Variants in GRM7 observed in about 807,000 individuals in gnomAD.
The protein encoded by GRM7 is glutamate metabotropic receptor 7.
In GRM7, 35 loss-of-function variants were observed where a neutral mutation model predicts 84.5. The observed-to-expected ratio is 0.41, with a 90% CI of 0.32 to 0.55. The LOEUF is 0.55. Ranked by LOEUF, GRM7 falls within the 20% of genes least tolerant of loss-of-function variation. The probability of loss-of-function intolerance (pLI) is 0.19; values close to 1 mark genes in which losing one functional copy is unlikely to be tolerated. For missense variants in GRM7, 1,003 were observed against 1,194.6 expected (o/e 0.84, Z 2.36); for synonymous variants, 487 against 455.1 (o/e 1.07, Z -0.89).
chr3:6,942,186 G>C (rs1007978378), intron 1 of GRM7, among the ~76,000 whole-genome samples: 1 of 151,156 alleles, frequency 6.6e-6, no homozygotes, highest in Non-Finnish European at 1.5e-5. Context: ...TTCTCTGTAA[G>C]TATGGATTTT....
intron 8 of GRM7, among the ~76,000 whole-genome samples, chr3:7,666,392 C>T (rs1356239608): frequency 6.6e-6 from 1 of 152,160 alleles, no homozygotes; most frequent in African/African-American, 2.4e-5. Context: ...CATAGCCAGG[C>T]CAGATACTAT....
intron 2 of GRM7, among the ~76,000 whole-genome samples, chr3:7,160,912 G>T (rs1304525522): frequency 6.6e-6 from 1 of 152,122 alleles, no homozygotes; most frequent in East Asian, 1.9e-4. Flanking sequence ...GGACTTCGCT[G>T]CCAGTCCTTA....
intron 1 of GRM7, among the ~76,000 whole-genome samples, chr3:6,889,506 T>G (rs1344268487): frequency 2.6e-5 from 4 of 152,048 alleles, no homozygotes; most frequent in Non-Finnish European, 5.9e-5. Context: ...GTTTTTGTCT[T>G]TGGTTCTGTT....
intron 1 of GRM7, among the ~76,000 whole-genome samples, chr3:7,144,673 T>C (rs1442314936): frequency 2.0e-5 from 3 of 152,212 alleles, no homozygotes; most frequent in Non-Finnish European, 4.4e-5. Flanking sequence ...TCTCAGAACT[T>C]GATCTTAGTG....
intron 1 of GRM7, among the ~76,000 whole-genome samples, chr3:6,972,976 T>C (rs1433420846): frequency 6.6e-6 from 1 of 152,204 alleles, no homozygotes; most frequent in Non-Finnish European, 1.5e-5. Context: ...AAATGAGAAC[T>C]GGAATTAGAG....
At position 7,291,173 on chromosome 3, in the gene GRM7, C is replaced by A. The variant is rs73809055; in HGVS notation, c.737-7511C>A. On this transcript the variant is annotated intron_variant, in intron 2 of 9. Coordinates refer to ENST00000357716, the MANE Select transcript of GRM7 (RefSeq NM_000844.4). Reference sequence around the variant, plus strand: ...TTTAATATTCAGGAATTTTCTCGTCCTTCTATACTGAGCTTGGAATGTTTT... The same window carrying A: ...TTTAATATTCAGGAATTTTCTCGTCATTCTATACTGAGCTTGGAATGTTTT... Among the ~76,000 whole-genome samples, 9 of 151,558 alleles carry A rather than the reference C, an allele frequency of 5.9e-5. No homozygotes were observed. The East Asian group carries it at 1.2e-3, about 20-fold the overall frequency.
rs376443246 is a variant in GRM7, at chr3:7,324,564, C to A, written c.1033+17912C>A. On this transcript the variant is annotated intron_variant, in intron 4 of 9. Coordinates refer to ENST00000357716, the MANE Select transcript of GRM7 (RefSeq NM_000844.4). ...CAGAGTAAAAGGTGTACCTACGGGT[C>A]CCCTCAAGTGACCTAGTTCGTCTCT... 7.9e-5 allele frequency among the ~76,000 whole-genome samples: 12 copies of A among 152,210 alleles called. 1 individual carries two copies. The East Asian group carries it at 2.3e-3, about 29-fold the overall frequency.
intron 1 of GRM7, among the ~76,000 whole-genome samples, chr3:7,083,354 A>AT (rs34749968): frequency 6.6e-6 from 1 of 152,234 alleles, no homozygotes; most frequent in Non-Finnish European, 1.5e-5. Flanking sequence ...AGGGATGCAT[A>AT]TTTTTTATGT....
chr3:7,116,512 T>C (rs1402806241), intron 1 of GRM7, among the ~76,000 whole-genome samples: 1 of 152,070 alleles, frequency 6.6e-6, no homozygotes, highest in Non-Finnish European at 1.5e-5. Context: ...AGTCACATAC[T>C]GTCTGTCTCT....
chr3:7,212,319 A>G (rs964540717), intron 2 of GRM7, among the ~76,000 whole-genome samples: 1 of 151,454 alleles, frequency 6.6e-6, no homozygotes, highest in Non-Finnish European at 1.5e-5. Context: ...TCTCACTCTC[A>G]TTTATTTCTT....
At chr3:7,474,423 G>A (rs1400406443) in intron 7 of GRM7, among the ~76,000 whole-genome samples, 4 of 145,714 alleles carry the variant, frequency 2.7e-5, no homozygotes, top group Admixed American at 6.9e-5. Flanking sequence ...GGCATCATGT[G>A]TACAAATAGC....
chr3:7,455,836 A>T (rs1418196401), intron 6 of GRM7, among the ~76,000 whole-genome samples: 2 of 151,576 alleles, frequency 1.3e-5, no homozygotes, highest in Non-Finnish European at 3.0e-5. Flanking sequence ...GTGTTAACTT[A>T]CTGGTTTAGA....
At chr3:7,262,477 C>CT (rs1235095506) in intron 2 of GRM7, among the ~76,000 whole-genome samples, 5 of 152,058 alleles carry the variant, frequency 3.3e-5, no homozygotes, top group African/African-American at 9.7e-5. Context: ...TCTATACTGG[C>CT]TTTTTTGTCT....
intron 2 of GRM7, among the ~76,000 whole-genome samples, chr3:7,212,216 C>G (rs1399419764): frequency 7.9e-5 from 10 of 127,370 alleles, no homozygotes; most frequent in Non-Finnish European, 1.5e-4. Flanking sequence ...TTTCCTTTTT[C>G]TTTTTGGACT....
Position 6,928,097 on chromosome 3 carries a change from T to C in GRM7, c.519+66190T>C, listed in dbSNP as rs1697376066. Among the ~76,000 whole-genome samples the C allele has an allele frequency of 6.7e-6, 1 of 149,366 alleles. No individual in the cohort carries two copies. The highest frequency in any genetic ancestry group is 2.4e-5 in the African/African-American group (1 of 40,866). On this transcript the variant is annotated intron_variant, in intron 1 of 9. Transcript: ENST00000357716. This position sits in a 1 kb window ranked among gnomAD's most constrained non-coding sequence, Gnocchi z 4.5. Reference sequence around the variant, plus strand: ...TATCCCTTTTATCTGTTTTGCTCCTTTTTTTTTTTTCTACACTGCTGAGGT... The same window carrying C: ...TATCCCTTTTATCTGTTTTGCTCCTCTTTTTTTTTTCTACACTGCTGAGGT...
chr3:7,401,513 A>G (rs1695451560), intron 4 of GRM7, among the ~76,000 whole-genome samples: 1 of 152,184 alleles, frequency 6.6e-6, no homozygotes, highest in Admixed American at 6.6e-5. Context: ...CATTGAGATA[A>G]AAGCAATGAT....
At chr3:6,912,872 A>G (rs576221637) in intron 1 of GRM7, among the ~76,000 whole-genome samples, 1 of 152,178 alleles carries the variant, frequency 6.6e-6, no homozygotes, top group African/African-American at 2.4e-5. Context: ...ATAAAACCAC[A>G]TTTTCTGTTG....
intron 2 of GRM7, among the ~76,000 whole-genome samples, chr3:7,231,455 T>C (rs1368834527): frequency 1.3e-5 from 2 of 152,174 alleles, no homozygotes; most frequent in African/African-American, 4.8e-5. Flanking sequence ...AGCATATATA[T>C]ATACATATAT....
intron 1 of GRM7, among the ~76,000 whole-genome samples, chr3:7,067,364 T>C (rs1157408624): frequency 2.6e-5 from 4 of 152,018 alleles, no homozygotes; most frequent in African/African-American, 9.7e-5. Flanking sequence ...GTAGCTCTTC[T>C]ATTACATCAA....
Sources: allele counts gnomAD v4.1 joint callset (sites outside exome capture counted in the v4.1 genomes callset), GRCh38; gene constraint gnomAD v4.1.1; non-coding constraint Gnocchi (gnomAD v3.1); transcripts MANE v1.5; gene names NCBI Gene and HGNC (gene_info 2026-07-23, HGNC 2026-07-21).